PTPN12: variants seen among roughly 807,000 people sequenced by gnomAD.
The protein encoded by PTPN12 is tyrosine-protein phosphatase non-receptor type 12.
Under a neutral mutation model 97.6 loss-of-function variants are expected in PTPN12, and 29 were observed. That is an observed-to-expected ratio of 0.30 (90% CI 0.22 to 0.41). The LOEUF is 0.41. PTPN12 is among the 10% of genes least tolerant of loss of function. The pLI, the probability that PTPN12 is intolerant of heterozygous loss-of-function variation, is 1.00. For synonymous variants in PTPN12, 327 were observed against 300.4 expected, an observed-to-expected ratio of 1.09 and a Z score of -0.91; for missense variants, 819 against 926.0, an observed-to-expected ratio of 0.88 and a Z score of 1.50.
intron 16 of PTPN12, among the ~76,000 whole-genome samples, chr7:77,638,384 G>A (rs193022285): frequency 1.3e-5 from 2 of 152,276 alleles, no homozygotes; most frequent in Admixed American, 1.3e-4. Flanking sequence ...TAAGAATAAC[G>A]AGAATCCTCA....
intron 7 of PTPN12, among the ~76,000 whole-genome samples, chr7:77,599,677 A>G (rs749168591): frequency 6.6e-6 from 1 of 152,186 alleles, no homozygotes; most frequent in Non-Finnish European, 1.5e-5. Flanking sequence ...TAATTCTGCT[A>G]ACTGCATCAT....
Position 77,543,115 on chromosome 7 carries a change from A to G in PTPN12, c.99+5470A>G, listed in dbSNP as rs546275871. On this transcript the variant is annotated intron_variant, in intron 1 of 17. Coordinates refer to ENST00000248594, the MANE Select transcript of PTPN12 (RefSeq NM_002835.4). ...AAGAAAGGAGTTATTACCAGAGTCA[A>G]ATAATGCTGGGAGGACCGGTAAGGT... 2.6e-5 allele frequency among the ~76,000 whole-genome samples: 4 copies of G among 152,220 alleles called. No individual in the cohort carries two copies. The East Asian group carries it at 5.8e-4, about 22-fold the overall frequency.
At chr7:77,553,995 G>A (rs115152539) in intron 1 of PTPN12, among the ~76,000 whole-genome samples, 36 of 151,640 alleles carry the variant, frequency 2.4e-4, no homozygotes, top group Admixed American at 2.0e-3. Context: ...GAGACAAGGT[G>A]TCGCTTAGTT....
At chr7:77,558,566 C>G (rs1030827015) in intron 1 of PTPN12, among the ~76,000 whole-genome samples, 1 of 152,080 alleles carries the variant, frequency 6.6e-6, no homozygotes, top group South Asian at 2.1e-4. Context: ...TCATTTTATA[C>G]CTGTATGCAG....
Position 77,627,566 on chromosome 7 carries a change from C to T in PTPN12, c.1887C>T (p.Ala629=). The change falls in exon 13 of 18, where the codon GCC becomes GCT. Residue 629 remains alanine (A), a synonymous_variant. Coordinates refer to ENST00000248594, the MANE Select transcript of PTPN12 (RefSeq NM_002835.4). The part of the protein sequence containing the change: ...QNKTNISTAS[A]TVSAATSTES... ...AAACTAATATTTCAACAGCAAGTGC[C>T]ACAGTTTCTGCTGCCACTAGTACTG... 6.2e-7 allele frequency: 1 copy of T among 1,613,994 alleles called. No individual in the cohort carries two copies. The highest frequency in any genetic ancestry group is 8.5e-7 in the Non-Finnish European group (1 of 1,179,990).
At chr7:77,560,072 G>A (rs1807929521) in intron 1 of PTPN12, among the ~76,000 whole-genome samples, 1 of 152,196 alleles carries the variant, frequency 6.6e-6, no homozygotes, top group African/African-American at 2.4e-5. Flanking sequence ...AGGTTAGGTG[G>A]AGTTAATGTG....
rs1554321255 is a variant in PTPN12 at position 77,605,409 on chromosome 7, G to GGTTTTTTTTTTTTTTTTTTTT, written c.696-1826_696-1825insGTTTTTTTTTTTTTTTTTTTT. Among the ~76,000 whole-genome samples, 24 of 95,544 alleles carry GGTTTTTTTTTTTTTTTTTTTT rather than the reference G, an allele frequency of 2.5e-4. 9 individuals are homozygous for GGTTTTTTTTTTTTTTTTTTTT. The highest frequency in any genetic ancestry group is 1.8e-3 in the East Asian group (6 of 3,372). 62.7% of individuals were successfully genotyped at this position (95,544 alleles called of 152,430 possible). A position where few individuals can be genotyped will look rare whatever the true frequency, so the allele number is the denominator to read the frequency against. On this transcript the variant is annotated intron_variant, in intron 8 of 17. Transcript: ENST00000248594. Reference sequence around the variant, plus strand: ...TTACTTTAAAATACTTTTGTCATGAGTTTTTTTTTTTTTTTTTTTTTTTTT... The same window carrying GGTTTTTTTTTTTTTTTTTTTT: ...TTACTTTAAAATACTTTTGTCATGAGGTTTTTTTTTTTTTTTTTTTTTTTTTTTTTTTTTTTTTTTTTTTTT...
chr7:77,580,937 A>G (rs1328161459), intron 2 of PTPN12, among the ~76,000 whole-genome samples: 2 of 152,222 alleles, frequency 1.3e-5, no homozygotes, highest in Non-Finnish European at 2.9e-5. Flanking sequence ...CTGCTCTAGT[A>G]AATCAGAGAT....
At chr7:77,586,185 C>G (rs1411815789) in intron 5 of PTPN12, among the ~76,000 whole-genome samples, 1 of 152,166 alleles carries the variant, frequency 6.6e-6, no homozygotes, top group African/African-American at 2.4e-5. Context: ...AACTCCTGAC[C>G]TCAGGTGTTC....
intron 1 of PTPN12, among the ~76,000 whole-genome samples, chr7:77,559,410 A>G (rs1023145497): frequency 6.6e-6 from 1 of 152,182 alleles, no homozygotes; most frequent in Non-Finnish European, 1.5e-5. Flanking sequence ...ACATGTGTGT[A>G]TTATCTAACC....
intron 1 of PTPN12, among the ~76,000 whole-genome samples, chr7:77,539,644 C>G (rs762347966): frequency 1.3e-5 from 2 of 151,592 alleles, no homozygotes; most frequent in African/African-American, 4.8e-5. Flanking sequence ...TTTTTTGAGA[C>G]GGAGTCTCGC....
intron 1 of PTPN12, among the ~76,000 whole-genome samples, chr7:77,565,261 G>C (rs1162294162): frequency 6.6e-6 from 1 of 152,158 alleles, no homozygotes; most frequent in Admixed American, 6.5e-5. Context: ...TAATTGTGCT[G>C]ATTTAAAATC....
At position 77,601,224 on chromosome 7, in the gene PTPN12, T is replaced by G. The variant is rs1341020495; in HGVS notation, c.695+418T>G. ...GAGATTTTTAAAAACAGGATATTGC[T>G]CTGATGCCCAGGTTGGAGTGCAGTG... is the stretch of plus-strand genomic sequence containing the variant. On this transcript the variant is annotated intron_variant, in intron 8 of 17. Coordinates refer to ENST00000248594, the MANE Select transcript of PTPN12 (RefSeq NM_002835.4). 1.3e-5 allele frequency among the ~76,000 whole-genome samples: 2 copies of G among 152,284 alleles called. 1 individual carries two copies. The highest frequency in any genetic ancestry group is 4.1e-4 in the South Asian group (2 of 4,826).
chr7:77,557,444 T>C (rs776635425), intron 1 of PTPN12, among the ~76,000 whole-genome samples: 10 of 152,244 alleles, frequency 6.6e-5, no homozygotes, highest in Non-Finnish European at 1.0e-4. Flanking sequence ...ACCTGTGACT[T>C]AACTTCTCTT....
At position 77,583,422 on chromosome 7, in the gene PTPN12, A is replaced by ATTTT. The variant is rs1336165844; in HGVS notation, c.286-133_286-132insTTTT. On this transcript the variant is annotated intron_variant, in intron 3 of 17. Transcript: ENST00000248594. ...TTTGCCATGCTTTAATATACTATGA[A>ATTTT]AGACACATTATTTGGAAATGGTTTA... is the stretch of plus-strand genomic sequence containing the variant. 5 of 622,154 alleles carry ATTTT rather than the reference A, an allele frequency of 8.0e-6. No homozygotes were observed. In the East Asian group the frequency reaches 1.4e-4, roughly 18 times the overall value. 38.5% of individuals were successfully genotyped at this position (622,154 alleles called of 1,614,324 possible). A position where few individuals can be genotyped will look rare whatever the true frequency, so the allele number is the denominator to read the frequency against.
intron 2 of PTPN12, among the ~76,000 whole-genome samples, chr7:77,577,445 T>A (rs939982153): frequency 6.6e-6 from 1 of 152,116 alleles, no homozygotes; most frequent in Admixed American, 6.6e-5. Flanking sequence ...TATAATGCCC[T>A]ATTTTTTTTT....
At chr7:77,605,409 G>GTTTGTTTTTTT (rs1554321238) in intron 8 of PTPN12, among the ~76,000 whole-genome samples, 1 of 95,560 alleles carries the variant, frequency 1.0e-5, no homozygotes, top group African/African-American at 4.1e-5. Flanking sequence ...TTTGTCATGA[G>GTTTGTTTTTTT]TTTTTTTTTT....
chr7:77,550,631 G>A (rs1364300953), intron 1 of PTPN12, among the ~76,000 whole-genome samples: 8 of 152,174 alleles, frequency 5.3e-5, no homozygotes. Flanking sequence ...GGACTGTAAG[G>A]TGGATGCCTA....
Position 77,537,580 on chromosome 7 carries a change from C to G in PTPN12, c.34C>G (p.Gln12Glu), listed in dbSNP as rs1002354995. 9.4e-6 allele frequency: 15 copies of G among 1,601,516 alleles called. No individual in the cohort carries two copies. The highest frequency in any genetic ancestry group is 1.3e-5 in the Non-Finnish European group (15 of 1,175,290). ...AGTGGAGATCCTGAGGAAATTCATC[C>G]AGAGGGTCCAGGCCATGAAGAGTCC... ...EQVEILRKFI[Q>E]RVQAMKSPDH... The change falls in exon 1 of 18, where the codon CAG (glutamine) becomes GAG (glutamate). Residue 12 changes from glutamine (Q) to glutamate (E), a missense_variant. Gln to Glu is a conservative substitution (Grantham distance 29). This residue lies in a region of PTPN12 where 59 missense variants were observed against 42.2 expected (regional missense o/e 1.40). Coordinates refer to ENST00000248594, the MANE Select transcript of PTPN12 (RefSeq NM_002835.4).
Sources: gnomAD v4.1 joint callset for allele counts (sites outside exome capture counted in the v4.1 genomes callset) on GRCh38, gnomAD v4.1.1 for gene constraint, gnomAD v4.1.1 regional missense constraint, MANE v1.5 for transcripts, NCBI Gene and HGNC (gene_info 2026-07-23, HGNC 2026-07-21) for gene names.